The following NFIX variants were observed in gnomAD, a reference collection of about 807,000 sequenced individuals.
NFIX encodes nuclear factor I X.
A neutral mutation model predicts 53.3 loss-of-function variants in NFIX; 2 were observed. The observed-to-expected ratio is 0.04, with a 90% CI of 0.02 to 0.12. The LOEUF (loss-of-function observed/expected upper bound fraction) is 0.12. NFIX is among the 10% of genes least tolerant of loss of function. The probability of loss-of-function intolerance (pLI) is 1.00; values close to 1 mark genes in which losing one functional copy is unlikely to be tolerated. For missense variants in NFIX, 310 were observed against 674.5 expected (o/e 0.46, Z 5.99); for synonymous variants, 244 against 289.0 (o/e 0.84, Z 1.58).
Position 13,094,282 on chromosome 19 carries a change from C to T in NFIX, c.1495-353C>T, listed in dbSNP as rs918595162. 2.0e-5 allele frequency among the ~76,000 whole-genome samples: 3 copies of T among 152,222 alleles called. No individual in the cohort carries two copies. The highest frequency in any genetic ancestry group is 2.9e-5 in the Non-Finnish European group (2 of 68,024). ...CAAAAGCCCCAGCCTGGCATCTTCCCCACCCTCCAGGACCCACACAAAAAC... is the reference window on the plus strand; with the variant it reads ...CAAAAGCCCCAGCCTGGCATCTTCCTCACCCTCCAGGACCCACACAAAAAC... On this transcript the variant is annotated intron_variant, in intron 10 of 10. Transcript: ENST00000592199. This position sits in a 1 kb window ranked among gnomAD's most constrained non-coding sequence, Gnocchi z 4.3.
At chr19:13,023,354 C>G (rs2013069163) in intron 1 of NFIX, among the ~76,000 whole-genome samples, 1 of 150,220 alleles carries the variant, frequency 6.7e-6, no homozygotes, top group Non-Finnish European at 1.5e-5. Context: ...CCCTCTCTCT[C>G]TTTTGCACGC....
chr19:13,072,941 G>T lies in NFIX; in HGVS notation c.560-106G>T. 1 of 1,085,208 alleles carries T rather than the reference G, an allele frequency of 9.2e-7. No individual in the cohort carries two copies. The highest frequency in any genetic ancestry group is 1.4e-6 in the Non-Finnish European group (1 of 699,206). The allele number at this position is 1,085,208 out of a possible 1,614,324, so 67.2% of individuals were successfully genotyped here. A position where few individuals can be genotyped will look rare whatever the true frequency, so the allele number is the denominator to read the frequency against. On this transcript the variant is annotated intron_variant, in intron 2 of 10. Transcript: ENST00000592199. This position sits in a 1 kb window ranked among gnomAD's most constrained non-coding sequence, Gnocchi z 4.0. Reference sequence around the variant, plus strand: ...GTGGGGTGAAGGTTTCTGTAGCCAGGGTGGGCCGTCCCTGCTCTTGCACCA... The same window carrying T: ...GTGGGGTGAAGGTTTCTGTAGCCAGTGTGGGCCGTCCCTGCTCTTGCACCA...
chr19:13,057,452 GCGA>G (rs2015775682), intron 2 of NFIX, among the ~76,000 whole-genome samples: 1 of 152,196 alleles, frequency 6.6e-6, no homozygotes, highest in Non-Finnish European at 1.5e-5. Flanking sequence ...TTAGCTGTGT[GCGA>G]GGAGCCCTAC....
Position 12,995,829 on chromosome 19 carries a change from C to A in NFIX, c.-9C>A, listed in dbSNP as rs772402380. ...GCCGGCCGCCGCGCTCCCGCCCGGG[C>A]GCCCAGCTATGTACTCCCCGTACTG... On this transcript the variant is annotated 5_prime_UTR_variant, in exon 1 of 11. Coordinates refer to ENST00000592199, the MANE Select transcript of NFIX (RefSeq NM_001365902.3). 2.0e-6 allele frequency: 2 copies of A among 998,696 alleles called. No individual in the cohort carries two copies. Among genetic ancestry groups the A allele is most frequent in the South Asian group, 8.3e-5 (2 of 24,052 alleles). 61.9% of individuals were successfully genotyped at this position (998,696 alleles called of 1,614,324 possible).
At chr19:13,055,448 T>C (rs1043112076) in intron 2 of NFIX, among the ~76,000 whole-genome samples, 27 of 152,260 alleles carry the variant, frequency 1.8e-4, no homozygotes, top group Admixed American at 1.2e-3. Context: ...CCTCGGCATC[T>C]GCCCTCCCCC....
Position 13,088,292 on chromosome 19 carries a change from A to AG in NFIX, c.1402+157dup, listed in dbSNP as rs1001654892. ...GAGCAGAGCCGAGCCCCCCAACCAC[A>AG]GCCTCCCTCCCGGGCCTCAGTCGCA... On this transcript the variant is annotated intron_variant, in intron 9 of 10. Coordinates refer to ENST00000592199, the MANE Select transcript of NFIX (RefSeq NM_001365902.3). This position sits in a 1 kb window ranked among gnomAD's most constrained non-coding sequence, Gnocchi z 5.9. Among the ~76,000 whole-genome samples, 81 of 150,378 alleles carry AG rather than the reference A, an allele frequency of 5.4e-4. No individual in the cohort carries two copies. The highest frequency in any genetic ancestry group is 2.0e-3 in the African/African-American group (80 of 40,914).
intron 1 of NFIX, among the ~76,000 whole-genome samples, chr19:13,004,328 G>A (rs958765710): frequency 6.6e-6 from 1 of 151,894 alleles, no homozygotes; most frequent in Admixed American, 6.6e-5. Context: ...CAAACAAGAC[G>A]CCAGCTGACA....
rs1260203245 is a variant in NFIX at position 13,097,823 on chromosome 19, G to C, written c.*3174G>C. 1 of 141,720 alleles carries C rather than the reference G, an allele frequency of 7.1e-6. No homozygotes were observed. The highest frequency in any genetic ancestry group is 2.6e-5 in the African/African-American group (1 of 38,240). The allele number at this position is 141,720 out of a possible 1,614,324, so 8.8% of individuals were successfully genotyped here. On this transcript the variant is annotated 3_prime_UTR_variant, in exon 11 of 11. Transcript: ENST00000592199. ...TTGGTAGTTTCCTCCCCCCTTTCCC[G>C]GCGCCCCTCCCGCCCCCATTCAACA...
At position 13,049,871 on chromosome 19, in the gene NFIX, C is replaced by T. The variant is rs1310265863; in HGVS notation, c.560-23176C>T. 6.6e-6 allele frequency among the ~76,000 whole-genome samples: 1 copy of T among 152,150 alleles called. No individual in the cohort carries two copies. The highest frequency in any genetic ancestry group is 2.4e-5 in the African/African-American group (1 of 41,422). ...CCTCCCAAAGTGTTGGGATTACAGG[C>T]GAGAGCCACTGCACCCGGCCAGTTC... is the stretch of plus-strand genomic sequence containing the variant. On this transcript the variant is annotated intron_variant, in intron 2 of 10. Transcript: ENST00000592199. This position sits in a 1 kb window ranked among gnomAD's most constrained non-coding sequence, Gnocchi z 4.5.
In NFIX at chr19:13,014,727, T is replaced by G. The variant is rs552497125; in HGVS notation, c.28-10294T>G. On this transcript the variant is annotated intron_variant, in intron 1 of 10. Coordinates refer to ENST00000592199, the MANE Select transcript of NFIX (RefSeq NM_001365902.3). The surrounding 1 kb of genome is among the most constrained non-coding windows in gnomAD (Gnocchi z 4.4). ...GGCCTGGCATCCAGCCCCAGAGGAG[T>G]GCTCTTGCCACTGGCCACAGGGCCT... is the stretch of plus-strand genomic sequence containing the variant. Among the ~76,000 whole-genome samples, 2 of 152,156 alleles carry G rather than the reference T, an allele frequency of 1.3e-5. No individual in the cohort carries two copies. Among genetic ancestry groups the G allele is most frequent in the East Asian group, 3.9e-4 (2 of 5,180 alleles).
chr19:13,054,934 CT>C (rs943992114), intron 2 of NFIX, among the ~76,000 whole-genome samples: 12 of 152,166 alleles, frequency 7.9e-5, no homozygotes, highest in African/African-American at 1.9e-4. Flanking sequence ...TTTTCCCCCC[CT>C]CTTGTTAAAA....
Position 13,006,833 on chromosome 19 carries a change from G to T in NFIX, c.27+10969G>T, listed in dbSNP as rs1329248055. Among the ~76,000 whole-genome samples, 1 of 152,196 alleles carries T rather than the reference G, an allele frequency of 6.6e-6. No individual in the cohort carries two copies. The highest frequency in any genetic ancestry group is 1.5e-5 in the Non-Finnish European group (1 of 68,036). On this transcript the variant is annotated intron_variant, in intron 1 of 10. Coordinates refer to ENST00000592199, the MANE Select transcript of NFIX (RefSeq NM_001365902.3). The surrounding 1 kb of genome is among the most constrained non-coding windows in gnomAD (Gnocchi z 5.6). ...GGCACTGCAGGCTGGCAACCACCGT[G>T]CCCAGCCTGGTGGCATTTGGTTTGG...
At chr19:13,085,553 G>A (rs1032296670) in intron 8 of NFIX, among the ~76,000 whole-genome samples, 2 of 152,192 alleles carry the variant, frequency 1.3e-5, no homozygotes, top group Admixed American at 6.5e-5. Flanking sequence ...AAACCCCCAC[G>A]CTCTGACCTG....
Position 13,073,935 on chromosome 19 carries a change from T to G in NFIX, c.727T>G (p.Phe243Val). 1 of 1,613,924 alleles carries G rather than the reference T, an allele frequency of 6.2e-7. No individual in the cohort carries two copies. The highest frequency in any genetic ancestry group is 8.5e-7 in the Non-Finnish European group (1 of 1,179,862). The part of the protein sequence containing the change: ...TPVATASGPN[F>V]SLADLESPSY... Reference sequence around the variant, plus strand: ...TGTTGCAACAGCATCAGGGCCCAACTTCTCCCTGGCGGACCTGGAGAGTCC... The same window carrying G: ...TGTTGCAACAGCATCAGGGCCCAACGTCTCCCTGGCGGACCTGGAGAGTCC... The change falls in exon 5 of 11, where the codon TTC becomes GTC. Residue 243 changes from phenylalanine to valine, a missense_variant. Phe to Val is a conservative substitution (Grantham distance 50). Transcript: ENST00000592199. This position sits in a 1 kb window ranked among gnomAD's most constrained non-coding sequence, Gnocchi z 4.5.
intron 7 of NFIX, among the ~76,000 whole-genome samples, chr19:13,080,871 G>A (rs1185026828): frequency 1.3e-5 from 2 of 152,004 alleles, no homozygotes; most frequent in Non-Finnish European, 2.9e-5. Flanking sequence ...GTGGTGGTGG[G>A]CGCCTGTAGT....
intron 2 of NFIX, among the ~76,000 whole-genome samples, chr19:13,042,274 T>C (rs2014686292): frequency 6.6e-6 from 1 of 151,916 alleles, no homozygotes; most frequent in South Asian, 2.1e-4. Context: ...CTGTCCCCTA[T>C]TCCCTTTTGA....
intron 2 of NFIX, among the ~76,000 whole-genome samples, chr19:13,046,567 T>C (rs1255706131): frequency 6.6e-6 from 1 of 152,116 alleles, no homozygotes; most frequent in Non-Finnish European, 1.5e-5. Context: ...TCCTGGGGCT[T>C]TTGCCATTCA....
At chr19:13,024,879 G>A (rs896849740) in intron 1 of NFIX, 142 bp from the exon 2 acceptor site, 2 of 1,323,692 alleles carry the variant, frequency 1.5e-6, no homozygotes, top group East Asian at 5.0e-5. Flanking sequence ...AATTGTTGGG[G>A]GGAGGGAGGA....
Position 13,013,930 on chromosome 19 carries a change from C to A in NFIX, c.28-11091C>A, listed in dbSNP as rs905316422. 6.6e-6 allele frequency: 1 copy of A among 152,184 alleles called. No individual in the cohort carries two copies. Among genetic ancestry groups the A allele is most frequent in the African/African-American group, 2.4e-5 (1 of 41,434 alleles). The allele number at this position is 152,184 out of a possible 1,614,324, so 9.4% of individuals were successfully genotyped here. The stretch of plus-strand genomic sequence containing the variant: ...TTAATAAAATTGTCTCATTTAGGAG[C>A]GAGCTTCTGCGCTGCCTCTGTCGTC... On this transcript the variant is annotated intron_variant, in intron 1 of 10. Coordinates refer to ENST00000592199, the MANE Select transcript of NFIX (RefSeq NM_001365902.3). The surrounding 1 kb of genome is among the most constrained non-coding windows in gnomAD (Gnocchi z 5.9).
Sources: gnomAD v4.1 joint callset for allele counts (sites outside exome capture counted in the v4.1 genomes callset) on GRCh38, gnomAD v4.1.1 for gene constraint, Gnocchi (gnomAD v3.1) non-coding constraint, MANE v1.5 for transcripts, NCBI Gene and HGNC (gene_info 2026-07-23, HGNC 2026-07-21) for gene names.